Variants in THADA observed in about 807,000 individuals in gnomAD.
THADA encodes the protein tRNA (32-2'-O)-methyltransferase regulator THADA.
Under a neutral mutation model 219.8 loss-of-function variants are expected in THADA, and 213 were observed. That is an observed-to-expected ratio of 0.97 (90% CI 0.87 to 1.09). The LOEUF (loss-of-function observed/expected upper bound fraction) is 1.09, where lower values mean the gene tolerates loss of function less well. Among genes scored for constraint, THADA ranks in the 50% least tolerant of loss-of-function variants. The pLI, the probability that THADA is intolerant of heterozygous loss-of-function variation, is 0.00. For synonymous variants in THADA, 1,018 were observed against 828.9 expected (o/e 1.23, Z -3.92); for missense variants, 2,956 against 2,311.3 (o/e 1.28, Z -5.72).
At chr2:43,411,266 T>C (rs1676270111) in intron 28 of THADA, among the ~76,000 whole-genome samples, 1 of 152,164 alleles carries the variant, frequency 6.6e-6, no homozygotes, top group African/African-American at 2.4e-5. Context: ...CCTGTGCTAG[T>C]TGCAAAAATG....
chr2:43,573,372 C>A (rs1409035620), intron 11 of THADA, among the ~76,000 whole-genome samples: 1 of 152,116 alleles, frequency 6.6e-6, no homozygotes, highest in Admixed American at 6.6e-5. Context: ...AACACTGAAC[C>A]TCTCTGCATA....
chr2:43,359,254 C>A (rs1669219938), intron 29 of THADA, among the ~76,000 whole-genome samples: 1 of 152,214 alleles, frequency 6.6e-6, no homozygotes, highest in Admixed American at 6.5e-5. Context: ...TAAGGCCTCT[C>A]CAAATCTTGA....
chr2:43,353,945 G>T (rs1375142296), intron 29 of THADA, among the ~76,000 whole-genome samples: 4 of 152,034 alleles, frequency 2.6e-5, no homozygotes, highest in African/African-American at 9.7e-5. Flanking sequence ...AGCCTCCCGA[G>T]TAGCTAGGAC....
intron 21 of THADA, among the ~76,000 whole-genome samples, chr2:43,532,517 T>G (rs1050375654): frequency 6.7e-6 from 1 of 149,718 alleles, no homozygotes; most frequent in African/African-American, 2.5e-5. Flanking sequence ...ATTATCTCAA[T>G]AAATGTAGAA....
In THADA at chr2:43,570,424, G is replaced by C; in HGVS notation, c.2151C>G (p.Thr717=). ...GTAAAGAAACAGAAGGGTGCTGTTTGGTTAACTCATTCTCTGGTTCACGTT... is the reference window on the plus strand; with the variant it reads ...GTAAAGAAACAGAAGGGTGCTGTTTCGTTAACTCATTCTCTGGTTCACGTT... ...KSKREPENEL[T]KQHPSVSLQQ... is the part of the protein sequence containing the mutation. The change falls in exon 14 of 38, where the codon ACC becomes ACG. Residue 717 remains threonine (T), a synonymous_variant. Coordinates refer to ENST00000405975, the MANE Select transcript of THADA (RefSeq NM_022065.5). 3 of 1,613,380 alleles carry C rather than the reference G, an allele frequency of 1.9e-6. No homozygotes were observed. Among genetic ancestry groups the C allele is most frequent in the Non-Finnish European group, 2.5e-6 (3 of 1,179,624 alleles).
At chr2:43,548,957 G>C (rs1163563410) in intron 20 of THADA, among the ~76,000 whole-genome samples, 1 of 152,162 alleles carries the variant, frequency 6.6e-6, no homozygotes, top group Non-Finnish European at 1.5e-5. Context: ...CCCGTCTTCT[G>C]CGTCACTCCC....
chr2:43,338,167 T>G (rs1666687292), intron 30 of THADA, among the ~76,000 whole-genome samples: 1 of 150,716 alleles, frequency 6.6e-6, no homozygotes, highest in African/African-American at 2.4e-5. Context: ...TTTTTTTTTT[T>G]TTTTTTTGAG....
At chr2:43,510,852 T>C (rs371398404) in intron 22 of THADA, among the ~76,000 whole-genome samples, 1 of 151,642 alleles carries the variant, frequency 6.6e-6, no homozygotes, top group Non-Finnish European at 1.5e-5. Flanking sequence ...GCACCTGTAA[T>C]CCCAGCTACT....
intron 31 of THADA, among the ~76,000 whole-genome samples, chr2:43,305,944 C>A (rs1405744510): frequency 6.6e-6 from 1 of 151,290 alleles, no homozygotes; most frequent in African/African-American, 2.4e-5. Flanking sequence ...ATCCCTCCCT[C>A]CCTTCTTCCC....
At chr2:43,588,388 T>C (rs1406340881) in intron 4 of THADA, among the ~76,000 whole-genome samples, 1 of 151,948 alleles carries the variant, frequency 6.6e-6, no homozygotes, top group Non-Finnish European at 1.5e-5. Flanking sequence ...CTCAGAAATC[T>C]ACATACACAA....
chr2:43,291,080 G>A (rs1448095525), intron 34 of THADA, among the ~76,000 whole-genome samples: 3 of 151,898 alleles, frequency 2.0e-5, no homozygotes, highest in Non-Finnish European at 2.9e-5. Flanking sequence ...TAGAGAAATG[G>A]GGAAAAAACA....
At chr2:43,424,354 T>C (rs1678134405) in intron 28 of THADA, among the ~76,000 whole-genome samples, 1 of 152,190 alleles carries the variant, frequency 6.6e-6, no homozygotes, top group Non-Finnish European at 1.5e-5. Flanking sequence ...TCCCACAAAC[T>C]GAAATTTTTT....
At chr2:43,261,309 C>T (rs1670917460) in intron 36 of THADA, among the ~76,000 whole-genome samples, 2 of 148,630 alleles carry the variant, frequency 1.3e-5, no homozygotes, top group African/African-American at 5.1e-5. Context: ...CTGCAACTTC[C>T]ACCTCCTGGG....
At chr2:43,233,912 A>G (rs1408587629) in intron 36 of THADA, among the ~76,000 whole-genome samples, 3 of 152,038 alleles carry the variant, frequency 2.0e-5, no homozygotes, top group Non-Finnish European at 2.9e-5. Flanking sequence ...ATGCATTTCT[A>G]TTGAGCCCTG....
chr2:43,575,314 G>C (rs1699743208), intron 10 of THADA, among the ~76,000 whole-genome samples: 1 of 152,138 alleles, frequency 6.6e-6, no homozygotes, highest in African/African-American at 2.4e-5. Context: ...GCTGGGTGTG[G>C]TGACACACAC....
At chr2:43,404,375 CTTTT>C (rs905817751) in intron 28 of THADA, among the ~76,000 whole-genome samples, 1 of 130,920 alleles carries the variant, frequency 7.6e-6, no homozygotes, top group South Asian at 2.4e-4. Flanking sequence ...TTTTTCTTTT[CTTTT>C]TTTTTTTTTT....
rs1038456113 is a variant in THADA, at chr2:43,395,848, T to C, written c.4227+2123A>G. The stretch of plus-strand genomic sequence containing the variant: ...CTCACTGCAACCTCTGCCTCTGGGG[T>C]TCAAGCAATTCTCGTGCCTCAGCCT... On this transcript the variant is annotated intron_variant, in intron 29 of 37. Transcript: ENST00000405975. 2.4e-4 allele frequency among the ~76,000 whole-genome samples: 37 copies of C among 152,032 alleles called. 1 individual carries two copies. Among genetic ancestry groups the C allele is most frequent in the Non-Finnish European group, 4.6e-4 (31 of 67,994 alleles).
intron 4 of THADA, among the ~76,000 whole-genome samples, chr2:43,589,718 A>G (rs561001793): frequency 1.6e-4 from 24 of 152,174 alleles, no homozygotes; most frequent in Non-Finnish European, 3.2e-4. Context: ...AAAAGACTAC[A>G]AATTGTTGGG....
intron 10 of THADA, among the ~76,000 whole-genome samples, chr2:43,576,400 G>C (rs1461681002): frequency 6.6e-6 from 1 of 152,060 alleles, no homozygotes; most frequent in African/African-American, 2.4e-5. Flanking sequence ...TGCTGTTTCA[G>C]GTTCTTATTA....
Sources: gnomAD v4.1 joint callset for allele counts (sites outside exome capture counted in the v4.1 genomes callset) on GRCh38, gnomAD v4.1.1 for gene constraint, MANE v1.5 for transcripts, NCBI Gene and HGNC (gene_info 2026-07-23, HGNC 2026-07-21) for gene names.